SLC25A28: variants seen among roughly 807,000 people sequenced by gnomAD.
SLC25A28 encodes mitoferrin-2.
SLC25A28 carries 10 observed loss-of-function variants against 31.9 expected under a neutral mutation model. That is an observed-to-expected ratio of 0.31 (90% CI 0.19 to 0.53). The LOEUF is 0.53. Among genes scored for constraint, SLC25A28 ranks in the 20% least tolerant of loss-of-function variants. The pLI is 0.95. For missense variants in SLC25A28, 256 were observed against 490.3 expected, an observed-to-expected ratio of 0.52 and a Z score of 4.51; for synonymous variants, 208 against 203.6, an observed-to-expected ratio of 1.02 and a Z score of -0.19.
chr10:99,644,472 T>C, the SLC25A28 span, among the ~76,000 whole-genome samples: 1 of 152,184 alleles, frequency 6.6e-6, no homozygotes, highest in Admixed American at 6.5e-5. Context: ...GCCCGTGAGA[T>C]GGGTTTCTTG....
At chr10:99,640,790 C>A in the SLC25A28 span, among the ~76,000 whole-genome samples, 1 of 151,088 alleles carries the variant, frequency 6.6e-6, no homozygotes, top group South Asian at 2.1e-4. Context: ...TGTTCAAGTC[C>A]CACCTATGAG....
the SLC25A28 span, among the ~76,000 whole-genome samples, chr10:99,646,215 G>A: frequency 1.3e-5 from 2 of 152,166 alleles, no homozygotes; most frequent in East Asian, 1.9e-4. Flanking sequence ...CAGCCCATTC[G>A]AGCTTCCCAG....
the SLC25A28 span, among the ~76,000 whole-genome samples, chr10:99,658,011 C>A: frequency 6.6e-6 from 1 of 152,030 alleles, no homozygotes; most frequent in Non-Finnish European, 1.5e-5. Flanking sequence ...CATAGTGAGA[C>A]TCCATCTCTA....
intron 1 of SLC25A28, chr10:99,618,882 T>G: frequency 1.0e-6 from 1 of 985,462 alleles, no homozygotes; most frequent in Non-Finnish European, 1.2e-6. Flanking sequence ...TCTCCTCCTT[T>G]TGAATACATA....
At chr10:99,630,315 G>T in the SLC25A28 span, among the ~76,000 whole-genome samples, 2 of 151,950 alleles carry the variant, frequency 1.3e-5, no homozygotes, top group Non-Finnish European at 2.9e-5. Flanking sequence ...AATATTTTTG[G>T]TAGACGCGGG....
upstream of SLC25A28, chr10:99,622,729 G>A: frequency 2.0e-6 from 2 of 984,656 alleles, no homozygotes; most frequent in Non-Finnish European, 2.4e-6. Context: ...ATCCCTAAAC[G>A]TTTAATGCTT....
chr10:99,637,359 T>G, the SLC25A28 span, among the ~76,000 whole-genome samples: 1 of 152,144 alleles, frequency 6.6e-6, no homozygotes, highest in African/African-American at 2.4e-5. Flanking sequence ...GTTGAAAGCA[T>G]TCCCTCTGAG....
the SLC25A28 span, among the ~76,000 whole-genome samples, chr10:99,626,736 C>A: frequency 6.6e-6 from 1 of 151,922 alleles, no homozygotes; most frequent in African/African-American, 2.4e-5. Flanking sequence ...AAATTTCAGC[C>A]CATGTGGGAT....
At position 99,610,704 on chromosome 10, in the gene SLC25A28, G is replaced by T. The variant is rs2034500008; in HGVS notation, c.*145C>A. The T allele has an allele frequency of 1.2e-5, 12 of 976,002 alleles. No homozygotes were observed. The highest frequency in any genetic ancestry group is 1.8e-5 in the Non-Finnish European group (12 of 664,166). The allele number at this position is 976,002 out of a possible 1,614,324, so 60.5% of individuals were successfully genotyped here. Reference sequence around the variant, plus strand: ...TGGCAACAGAGGTTGGCAGGAACTGGTGTTAGTCAAAACACCAAAATCCTG... The same window carrying T: ...TGGCAACAGAGGTTGGCAGGAACTGTTGTTAGTCAAAACACCAAAATCCTG... On this transcript the variant is annotated 3_prime_UTR_variant, in exon 4 of 4. Transcript: ENST00000370495.
rs377462827 is a variant in SLC25A28, at chr10:99,613,857, C to T, written c.359G>A (p.Arg120Lys). The T allele has an allele frequency of 1.5e-5, 24 of 1,614,054 alleles. No homozygotes were observed. The highest frequency in any genetic ancestry group is 1.9e-5 in the Non-Finnish European group (23 of 1,180,024). ...CCATAGGCCCTCCGTTCTTATAATC[C>T]TCCAGAGGGCCTCCAACACATTGCG... Reference protein sequence around the residue: ...RYRNVLEALWRIIRTEGLWRP... With the variant: ...RYRNVLEALWKIIRTEGLWRP... The change falls in exon 2 of 4, where the codon AGG becomes AAG. Residue 120 changes from arginine (R) to lysine (K), a missense_variant. This residue lies in a region of SLC25A28 where 158 missense variants were observed against 379.1 expected (regional missense o/e 0.42). Coordinates refer to ENST00000370495, the MANE Select transcript of SLC25A28 (RefSeq NM_031212.4). The surrounding 1 kb of genome is among the most constrained non-coding windows in gnomAD (Gnocchi z 4.9).
chr10:99,617,130 G>T (rs1019448465), intron 1 of SLC25A28: 14 of 985,340 alleles, frequency 1.4e-5, no homozygotes, highest in African/African-American at 1.7e-5. Context: ...CTTGATGATA[G>T]GTGGGTACTT....
chr10:99,627,870 C>G, the SLC25A28 span, among the ~76,000 whole-genome samples: 1 of 59,870 alleles, frequency 1.7e-5, no homozygotes, highest in African/African-American at 5.5e-5. Context: ...TCTTACCCAC[C>G]TCCCGCAAGT....
chr10:99,618,637 G>A, intron 1 of SLC25A28: 1 of 985,316 alleles, frequency 1.0e-6, no homozygotes, highest in Non-Finnish European at 1.2e-6. Context: ...AATTGACAAG[G>A]ACATTTAACA....
chr10:99,629,469 C>T, the SLC25A28 span, among the ~76,000 whole-genome samples: 1 of 152,190 alleles, frequency 6.6e-6, no homozygotes, highest in Non-Finnish European at 1.5e-5. Flanking sequence ...CAAGCAAGTA[C>T]GTGCATGTTC....
chr10:99,617,813 T>C, intron 1 of SLC25A28: 1 of 983,670 alleles, frequency 1.0e-6, no homozygotes, highest in Non-Finnish European at 1.2e-6. Flanking sequence ...ACTGCTATGT[T>C]GTATGACTAA....
the SLC25A28 span, among the ~76,000 whole-genome samples, chr10:99,638,004 A>G: frequency 1.3e-5 from 2 of 152,212 alleles, no homozygotes; most frequent in Admixed American, 1.3e-4. Flanking sequence ...GACTAAGCAT[A>G]AAGAACAAAT....
At chr10:99,626,948 A>C in the SLC25A28 span, among the ~76,000 whole-genome samples, 4 of 152,112 alleles carry the variant, frequency 2.6e-5, no homozygotes, top group Non-Finnish European at 4.4e-5. Context: ...TTTTTTAAAA[A>C]AATAATTAAT....
the SLC25A28 span, among the ~76,000 whole-genome samples, chr10:99,626,782 GTT>G: frequency 2.8e-4 from 42 of 149,622 alleles, no homozygotes; most frequent in East Asian, 9.8e-4. Context: ...GTGGAGCAGT[GTT>G]TTTTTTTTTT....
chr10:99,656,830 C>T, the SLC25A28 span, among the ~76,000 whole-genome samples: 1 of 152,192 alleles, frequency 6.6e-6, no homozygotes, highest in African/African-American at 2.4e-5. Flanking sequence ...TGAGTTACAG[C>T]AAATGAAATA....
Sources: allele counts gnomAD v4.1 joint callset (sites outside exome capture counted in the v4.1 genomes callset), GRCh38; gene constraint gnomAD v4.1.1; regional missense constraint gnomAD v4.1.1; non-coding constraint Gnocchi (gnomAD v3.1); transcripts MANE v1.5; gene names NCBI Gene and HGNC (gene_info 2026-07-23, HGNC 2026-07-21).